MAML3: variants seen among roughly 807,000 people sequenced by gnomAD.
MAML3 encodes the protein mastermind-like protein 3.
MAML3 carries 27 observed loss-of-function variants against 101.9 expected under a neutral mutation model. That is an observed-to-expected ratio of 0.27 (90% confidence interval 0.20 to 0.37). MAML3 has a LOEUF of 0.37. MAML3 is among the 10% of genes least tolerant of loss of function. The pLI is 1.00. For synonymous variants in MAML3, 501 were observed against 555.9 expected (o/e 0.90, Z 1.39); for missense variants, 1,316 against 1,444.9 (o/e 0.91, Z 1.45).
At chr4:140,004,423 T>C (rs1159711948) in intron 1 of MAML3, among the ~76,000 whole-genome samples, 1 of 152,200 alleles carries the variant, frequency 6.6e-6, no homozygotes, top group Non-Finnish European at 1.5e-5. Flanking sequence ...AGGCATCGCA[T>C]CTTGTTTCCT....
chr4:139,951,977 G>A (rs1263985263), intron 1 of MAML3, among the ~76,000 whole-genome samples: 7 of 152,056 alleles, frequency 4.6e-5, no homozygotes, highest in South Asian at 4.1e-4. Flanking sequence ...CAGCCTGGCC[G>A]CCATGGTGAA....
intron 2 of MAML3, among the ~76,000 whole-genome samples, chr4:139,802,898 G>A (rs1358770144): frequency 6.6e-6 from 1 of 152,188 alleles, no homozygotes; most frequent in Non-Finnish European, 1.5e-5. Flanking sequence ...TGTTCCAAAT[G>A]TAAGAGGTAT....
At chr4:139,927,072 C>CTTTTTTTTT (rs61573991) in intron 1 of MAML3, among the ~76,000 whole-genome samples, 10 of 134,706 alleles carry the variant, frequency 7.4e-5, no homozygotes, top group South Asian at 2.4e-4. Context: ...TTTCTTTTTT[C>CTTTTTTTTT]TTTTTTTTTT....
At chr4:140,134,297 T>C (rs1448214329) in intron 1 of MAML3, 1 of 456,706 alleles carries the variant, frequency 2.2e-6, no homozygotes, top group Middle Eastern at 3.3e-4. Context: ...GAAAGGATGT[T>C]CCCACACTCA....
chr4:140,092,864 C>A (rs1401572427), intron 1 of MAML3, among the ~76,000 whole-genome samples: 2 of 17,544 alleles, frequency 1.1e-4, no homozygotes, highest in Non-Finnish European at 2.6e-3. Flanking sequence ...ACTGAGGCAA[C>A]CAAAAAGAAA....
chr4:139,717,668 A>T lies in MAML3; in HGVS notation c.*1655T>A, dbSNP rs373873020. On this transcript the variant is annotated 3_prime_UTR_variant, in exon 5 of 5. Transcript: ENST00000509479. ...ATGGCAACTCGCCTTCTCAGGACTG[A>T]GTGTGGCCAGTCCAACCCCACAGGC... 1 of 152,372 alleles carries T rather than the reference A, an allele frequency of 6.6e-6. No homozygotes were observed. Among genetic ancestry groups the T allele is most frequent in the Non-Finnish European group, 1.5e-5 (1 of 68,196 alleles). The allele number at this position is 152,372 out of a possible 1,614,324, so 9.4% of individuals were successfully genotyped here. A position where few individuals can be genotyped will look rare whatever the true frequency, so the allele number is the denominator to read the frequency against.
At chr4:140,086,484 C>T (rs1727954023) in intron 1 of MAML3, among the ~76,000 whole-genome samples, 1 of 151,756 alleles carries the variant, frequency 6.6e-6, no homozygotes, top group Admixed American at 6.6e-5. Flanking sequence ...AATGTGAGAA[C>T]AGAGAGGATG....
intron 1 of MAML3, among the ~76,000 whole-genome samples, chr4:140,142,402 T>A (rs988517513): frequency 6.6e-6 from 1 of 152,184 alleles, no homozygotes; most frequent in Non-Finnish European, 1.5e-5. Context: ...ATATTTAGAG[T>A]TCCTCCTATG....
At chr4:139,866,630 A>G (rs1372675741) in intron 2 of MAML3, among the ~76,000 whole-genome samples, 2 of 151,920 alleles carry the variant, frequency 1.3e-5, no homozygotes, top group Non-Finnish European at 2.9e-5. Flanking sequence ...TTTTTTCTTT[A>G]TTGATTCTTC....
chr4:140,087,743 A>G (rs1009319447), intron 1 of MAML3, among the ~76,000 whole-genome samples: 2 of 152,098 alleles, frequency 1.3e-5, no homozygotes, highest in African/African-American at 4.8e-5. Context: ...TATCATCTAT[A>G]TTTCATCCTG....
chr4:140,064,250 G>GA (rs528250984), intron 1 of MAML3, among the ~76,000 whole-genome samples: 77 of 151,864 alleles, frequency 5.1e-4, no homozygotes, highest in African/African-American at 1.2e-3. Flanking sequence ...GGTATTTCAG[G>GA]AAAAAAAATG....
At chr4:140,099,228 A>ATC (rs1242439922) in intron 1 of MAML3, among the ~76,000 whole-genome samples, 66 of 116,380 alleles carry the variant, frequency 5.7e-4, no homozygotes, top group African/African-American at 2.0e-3. Context: ...TTGGAAGTAT[A>ATC]TCACACACAC....
chr4:139,828,864 A>AG (rs1229784950), intron 2 of MAML3, among the ~76,000 whole-genome samples: 1 of 152,024 alleles, frequency 6.6e-6, no homozygotes, highest in East Asian at 1.9e-4. Flanking sequence ...GTCCTGACAT[A>AG]GGGCTAAGAA....
chr4:139,751,814 A>G (rs985735846), intron 2 of MAML3, among the ~76,000 whole-genome samples: 12 of 152,208 alleles, frequency 7.9e-5, no homozygotes, highest in African/African-American at 2.9e-4. Context: ...AGTTACAATG[A>G]CATCTTTGAC....
At chr4:139,947,330 C>T (rs1733749238) in intron 1 of MAML3, among the ~76,000 whole-genome samples, 1 of 152,170 alleles carries the variant, frequency 6.6e-6, no homozygotes, top group African/African-American at 2.4e-5. Flanking sequence ...TAGCTATTCA[C>T]AGCCCAATTC....
intron 2 of MAML3, among the ~76,000 whole-genome samples, chr4:139,784,347 G>T (rs1730269116): frequency 1.3e-5 from 2 of 152,122 alleles, no homozygotes; most frequent in African/African-American, 4.8e-5. Context: ...AAACCATCTT[G>T]CCTCTCCAGT....
intron 1 of MAML3, among the ~76,000 whole-genome samples, chr4:140,091,556 A>AAAC (rs1728052976): frequency 6.6e-6 from 1 of 150,408 alleles, no homozygotes; most frequent in Non-Finnish European, 1.5e-5. Flanking sequence ...AACAAAAAAA[A>AAAC]AAAACAGGAC....
intron 1 of MAML3, among the ~76,000 whole-genome samples, chr4:140,017,131 T>C (rs986806315): frequency 2.0e-5 from 3 of 152,154 alleles, no homozygotes; most frequent in Non-Finnish European, 4.4e-5. Flanking sequence ...AATTAGAATA[T>C]GGGCAAAAGA....
intron 3 of MAML3, among the ~76,000 whole-genome samples, chr4:139,729,277 A>G (rs1728604867): frequency 6.6e-6 from 1 of 151,444 alleles, no homozygotes; most frequent in Admixed American, 6.6e-5. Flanking sequence ...AGGGACCTCC[A>G]TGGGCCCGTG....
Sources: gnomAD v4.1 joint callset for allele counts (sites outside exome capture counted in the v4.1 genomes callset) on GRCh38, gnomAD v4.1.1 for gene constraint, MANE v1.5 for transcripts, NCBI Gene and HGNC (gene_info 2026-07-23, HGNC 2026-07-21) for gene names.